TST: variants seen among roughly 807,000 people sequenced by gnomAD.
TST encodes the protein thiosulfate sulfurtransferase.
Under a neutral mutation model 20.4 loss-of-function variants are expected in TST, and 22 were observed. That is an observed-to-expected ratio of 1.08 (90% CI 0.77 to 1.54). The LOEUF (loss-of-function observed/expected upper bound fraction) is 1.54. Ranked by LOEUF, TST falls within the 40% of genes most tolerant of loss-of-function variation. TST has a pLI of 0.00. For missense variants in TST, 392 were observed against 405.2 expected, an observed-to-expected ratio of 0.97 and a Z score of 0.28; for synonymous variants, 187 against 173.8, an observed-to-expected ratio of 1.08 and a Z score of -0.60.
At chr22:37,011,400 G>A in intron 2 of TST, 75 bp from the exon 3 acceptor site, 1 of 1,458,294 alleles carries the variant, frequency 6.9e-7, no homozygotes, top group Non-Finnish European at 9.3e-7. Context: ...GATTCCATCA[G>A]CTATAGCTGG....
Position 37,017,454 on chromosome 22 carries a change from T to C in TST, c.595+684A>G, listed in dbSNP as rs573224215. 9.8e-5 allele frequency among the ~76,000 whole-genome samples: 15 copies of C among 152,316 alleles called. No individual in the cohort carries two copies. In the South Asian group the frequency reaches 2.7e-3, roughly 27 times the overall value. ...GAAACAAGGCAGCATTGGATTCGAA[T>C]CCTGCCTTCCACCACTTTATGTCCT... is the stretch of plus-strand genomic sequence containing the variant. On this transcript the variant is annotated intron_variant, in intron 2 of 2. Coordinates refer to ENST00000249042, the MANE Select transcript of TST (RefSeq NM_003312.6).
At chr22:37,014,952 G>A (rs536960466) in intron 2 of TST, among the ~76,000 whole-genome samples, 3 of 152,190 alleles carry the variant, frequency 2.0e-5, no homozygotes, top group South Asian at 4.1e-4. Context: ...CCTCAGCCAA[G>A]CTCCCAGCCC....
chr22:37,019,826 C>A, upstream of TST: 1 of 1,199,106 alleles, frequency 8.3e-7, no homozygotes, highest in Non-Finnish European at 1.0e-6. Flanking sequence ...GGGCGCCGCG[C>A]CGCGGGGGCC....
chr22:37,016,078 G>C (rs1208394297), intron 2 of TST, among the ~76,000 whole-genome samples: 1 of 151,364 alleles, frequency 6.6e-6, no homozygotes, highest in African/African-American at 2.4e-5. Context: ...CAAGTAGCTA[G>C]GATTACAGGC....
rs1254734791 is a variant in TST, at chr22:37,011,016, G to T, written c.*11C>A. On this transcript the variant is annotated 3_prime_UTR_variant, in exon 3 of 3. Transcript: ENST00000249042. ...CCGGCCGCAGTTACAGTAAGCAGAA[G>T]AGGTCACGGCTCAGGCCTTCTCAGA... 5 of 1,600,922 alleles carry T rather than the reference G, an allele frequency of 3.1e-6. No individual in the cohort carries two copies. Among genetic ancestry groups the T allele is most frequent in the Non-Finnish European group, 4.3e-6 (5 of 1,172,210 alleles).
intron 1 of TST, 52 bp downstream of exon 1, chr22:37,019,348 T>C (rs953835830): frequency 6.6e-6 from 1 of 151,612 alleles, no homozygotes; most frequent in African/African-American, 2.4e-5. Context: ...GGGCAGCAGG[T>C]GGCCCGACCG....
chr22:37,016,657 A>C (rs974401954), intron 2 of TST, among the ~76,000 whole-genome samples: 6 of 152,164 alleles, frequency 3.9e-5, no homozygotes, highest in African/African-American at 1.4e-4. Flanking sequence ...ATGACAGCTT[A>C]AATCCCAAGG....
rs565598650 is a variant in TST, at chr22:37,012,915, G to A, written c.596-1590C>T. On this transcript the variant is annotated intron_variant, in intron 2 of 2. Transcript: ENST00000249042. ...AAATTAGCCGGGTATGGTGGCATGC[G>A]CCTGTAATCCCAGCTACTCGGGAGG... 3.3e-5 allele frequency among the ~76,000 whole-genome samples: 5 copies of A among 152,080 alleles called. No homozygotes were observed. The South Asian group carries it at 8.3e-4, about 25-fold the overall frequency.
chr22:37,018,659 A>G lies in TST; in HGVS notation c.74T>C (p.Leu25Pro). 1 of 1,560,408 alleles carries G rather than the reference A, an allele frequency of 6.4e-7. No homozygotes were observed. ...WLAESIRTGK[L>P]GPGLRVLDAS... The stretch of plus-strand genomic sequence containing the variant: ...GTCCAGCACCCGCAGGCCGGGCCCC[A>G]GCTTGCCAGTCCTGATGGACTCCGC... Residue 25 changes from leucine to proline, a missense_variant, in exon 2 of 3, where the codon CTG becomes CCG. Physicochemically the swap from Leu to Pro is moderately conservative, Grantham distance 98. Coordinates refer to ENST00000249042, the MANE Select transcript of TST (RefSeq NM_003312.6).
intron 2 of TST, among the ~76,000 whole-genome samples, chr22:37,015,011 C>T (rs1031954895): frequency 3.3e-5 from 5 of 152,064 alleles, no homozygotes; most frequent in East Asian, 3.9e-4. Context: ...TACAGCAGCC[C>T]GGGAGCCACA....
intron 2 of TST, among the ~76,000 whole-genome samples, chr22:37,016,848 C>T (rs1030708564): frequency 5.9e-5 from 9 of 152,262 alleles, no homozygotes; most frequent in African/African-American, 1.2e-4. Context: ...GCTGTCCTGG[C>T]TCTGTCACTA....
chr22:37,019,825 G>A, upstream of TST: 11 of 1,200,104 alleles, frequency 9.2e-6, no homozygotes, highest in Non-Finnish European at 1.0e-5. Flanking sequence ...GGGGCGCCGC[G>A]CCGCGGGGGC....
intron 2 of TST, among the ~76,000 whole-genome samples, chr22:37,011,702 G>C (rs1922486071): frequency 6.6e-6 from 1 of 152,188 alleles, no homozygotes; most frequent in Non-Finnish European, 1.5e-5. Context: ...GCCATGTTGA[G>C]AAGAGCAAAT....
At chr22:37,018,780 GAGAC>G in intron 1 of TST, 27 bp from the exon 2 acceptor site, 1 of 1,425,512 alleles carries the variant, frequency 7.0e-7, no homozygotes. Flanking sequence ...CCAGGAAAGA[GAGAC>G]AGGCGTGAGG....
At position 37,017,690 on chromosome 22, in the gene TST, G is replaced by A. The variant is rs140674852; in HGVS notation, c.595+448C>T. On this transcript the variant is annotated intron_variant, in intron 2 of 2. Transcript: ENST00000249042. ...AGATTTGGGGAGAGGGGGATCCTGC[G>A]GGGAGGGACACTGTTGATGTCTATA... is the stretch of plus-strand genomic sequence containing the variant. Among the ~76,000 whole-genome samples, 30 of 152,290 alleles carry A rather than the reference G, an allele frequency of 2.0e-4. 1 individual carries two copies. Among genetic ancestry groups the A allele is most frequent in the Admixed American group, 2.6e-4 (4 of 15,310 alleles).
chr22:37,018,431 C>T lies in TST; in HGVS notation c.302G>A (p.Gly101Asp). 1 of 1,613,524 alleles carries T rather than the reference C, an allele frequency of 6.2e-7. No homozygotes were observed. Among genetic ancestry groups the T allele is most frequent in the Non-Finnish European group, 8.5e-7 (1 of 1,180,010 alleles). Residue 101 changes from glycine (G) to aspartate (D), a missense_variant, in exon 2 of 3, where the codon GGT (glycine) becomes GAT (aspartate). Gly to Asp is a moderately conservative substitution (Grantham distance 94). Transcript: ENST00000249042. Reference protein sequence around the residue: ...SNHTHVVVYDGEHLGSFYAPR... With the variant: ...SNHTHVVVYDDEHLGSFYAPR... ...AGCATAGAAGCTGCCCAGGTGTTCA[C>T]CATCATACACCACCACGTGCGTGTG...
At chr22:37,016,026 C>G (rs1294821638) in intron 2 of TST, among the ~76,000 whole-genome samples, 1 of 148,592 alleles carries the variant, frequency 6.7e-6, no homozygotes, top group Admixed American at 6.8e-5. Context: ...TCACTGCAAC[C>G]TCCACCTCCC....
chr22:37,017,518 G>A (rs1486557710), intron 2 of TST, among the ~76,000 whole-genome samples: 3 of 152,150 alleles, frequency 2.0e-5, no homozygotes, highest in African/African-American at 2.4e-5. Context: ...CCAAAACAGG[G>A]GCATTGAGCT....
intron 2 of TST, among the ~76,000 whole-genome samples, chr22:37,017,063 C>T (rs1794399796): frequency 6.6e-6 from 1 of 152,220 alleles, no homozygotes; most frequent in South Asian, 2.1e-4. Context: ...AGAGAAGGAG[C>T]TCTGACTGAG....
Sources: allele counts gnomAD v4.1 joint callset (sites outside exome capture counted in the v4.1 genomes callset), GRCh38; gene constraint gnomAD v4.1.1; transcripts MANE v1.5; gene names NCBI Gene and HGNC (gene_info 2026-07-23, HGNC 2026-07-21).